Variants in MCF2L observed in about 807,000 individuals in gnomAD.
The protein encoded by MCF2L is guanine nucleotide exchange factor DBS.
Under a neutral mutation model 153.4 loss-of-function variants are expected in MCF2L, and 97 were observed. That is an observed-to-expected ratio of 0.63 (90% confidence interval 0.54 to 0.75). The LOEUF is 0.75. MCF2L is among the 30% of genes least tolerant of loss of function. The pLI is 0.00. For synonymous variants in MCF2L, 659 were observed against 632.2 expected (o/e 1.04, Z -0.64); for missense variants, 1,347 against 1,495.2 (o/e 0.90, Z 1.64).
intron 2 of MCF2L, among the ~76,000 whole-genome samples, chr13:112,930,646 C>A (rs937226176): frequency 6.6e-6 from 1 of 152,160 alleles, no homozygotes; most frequent in African/African-American, 2.4e-5. Context: ...AATCTTAATA[C>A]CTGCAAATTT....
intron 20 of MCF2L, 136 bp downstream of exon 20, chr13:113,085,314 T>G: frequency 1.4e-6 from 1 of 712,368 alleles, no homozygotes; most frequent in East Asian, 2.7e-5. Flanking sequence ...GTGCTGAGGC[T>G]GGGATGCCTT....
intron 2 of MCF2L, among the ~76,000 whole-genome samples, chr13:112,916,495 C>G (rs1404380960): frequency 1.3e-5 from 2 of 152,170 alleles, no homozygotes; most frequent in Non-Finnish European, 2.9e-5. Flanking sequence ...TCTCGCGTGC[C>G]TCACCTGTGA....
intron 21 of MCF2L, among the ~76,000 whole-genome samples, chr13:113,086,952 G>A (rs1355830110): frequency 1.3e-5 from 2 of 152,104 alleles, no homozygotes; most frequent in Admixed American, 6.5e-5. Flanking sequence ...TGCATTCTGC[G>A]GTTTGGACAG....
Position 113,024,654 on chromosome 13 carries a change from G to A in MCF2L, c.174G>A (p.Gly58=), listed in dbSNP as rs755657446. The change falls in exon 3 of 30, where the codon GGG becomes GGA. Residue 58 remains glycine (G), a synonymous_variant. Coordinates refer to ENST00000535094, the MANE Select transcript of MCF2L (RefSeq NM_001112732.3). ...KRFAYLSGGR[G]QDGSPVITFP... ...CTGGTCTCTCCCCAGGTGGGCGGGG[G>A]CAGGACGGAAGCCCGGTTATCACCT... is the stretch of plus-strand genomic sequence containing the variant. 1 of 1,613,554 alleles carries A rather than the reference G, an allele frequency of 6.2e-7. No individual in the cohort carries two copies. The highest frequency in any genetic ancestry group is 1.1e-5 in the South Asian group (1 of 91,084).
intron 27 of MCF2L, chr13:113,095,010 C>G: frequency 1.5e-6 from 2 of 1,376,360 alleles, no homozygotes; most frequent in Non-Finnish European, 1.9e-6. Context: ...GTGGGTGCAC[C>G]TTCCTCAGAG....
chr13:113,082,407 C>A lies in MCF2L; in HGVS notation c.1876-20C>A. On this transcript the variant is annotated intron_variant, in intron 16 of 29. Coordinates refer to ENST00000535094, the MANE Select transcript of MCF2L (RefSeq NM_001112732.3). ...GCATCAGGCCCAGGACCCCCGCCGACCTCTGCGCTCTCCCTGCAGGGCTAC... is the reference window on the plus strand; with the variant it reads ...GCATCAGGCCCAGGACCCCCGCCGAACTCTGCGCTCTCCCTGCAGGGCTAC... 1.2e-5 allele frequency: 18 copies of A among 1,549,824 alleles called. No individual in the cohort carries two copies. The highest frequency in any genetic ancestry group is 1.4e-5 in the Non-Finnish European group (16 of 1,121,886).
intron 18 of MCF2L, 127 bp from the exon 19 acceptor site, chr13:113,084,765 G>T: frequency 6.7e-6 from 5 of 747,184 alleles, no homozygotes; most frequent in South Asian, 4.9e-5. Flanking sequence ...GCAATGCCTC[G>T]CAGGGCCGGG....
chr13:113,030,439 G>A (rs150808912), intron 3 of MCF2L, among the ~76,000 whole-genome samples: 2 of 109,244 alleles, frequency 1.8e-5, no homozygotes, highest in African/African-American at 7.5e-5. Flanking sequence ...GCCCGGTGTG[G>A]ACTCTCAGGT....
At position 113,074,106 on chromosome 13, in the gene MCF2L, C is replaced by T. The variant is rs929825348; in HGVS notation, c.997-338C>T. Among the ~76,000 whole-genome samples the T allele has an allele frequency of 5.9e-5, 9 of 152,194 alleles. No individual in the cohort carries two copies. Among genetic ancestry groups the T allele is most frequent in the Non-Finnish European group, 1.3e-4 (9 of 68,042 alleles). ...TGTCCATATTGCTGCTGGCTTTCGG[C>T]TCCCAGGGCCTTTGTCCTTGCGTGA... On this transcript the variant is annotated intron_variant, in intron 9 of 29. Transcript: ENST00000535094. This position sits in a 1 kb window ranked among gnomAD's most constrained non-coding sequence, Gnocchi z 4.2.
In MCF2L at chr13:113,098,193, C is replaced by CCCCTCACT. The variant is rs1298155334; in HGVS notation, c.*1334_*1335insCCCTCACT. On this transcript the variant is annotated 3_prime_UTR_variant, in exon 30 of 30. Transcript: ENST00000535094. ...CCAGCCCCAGCACAGTGGAGGCAGG[C>CCCCTCACT]GTGGCTGCATTCCCCTCACGCTACC... is the stretch of plus-strand genomic sequence containing the variant. The CCCCTCACT allele has an allele frequency of 6.6e-6, 1 of 152,548 alleles. No homozygotes were observed. The highest frequency in any genetic ancestry group is 1.5e-5 in the Non-Finnish European group (1 of 68,054). 9.4% of individuals were successfully genotyped at this position (152,548 alleles called of 1,614,324 possible).
rs539645017 is a variant in MCF2L at position 113,012,539 on chromosome 13, A to G, written c.80-2224A>G. Among the ~76,000 whole-genome samples, 44 of 111,276 alleles carry G rather than the reference A, an allele frequency of 4.0e-4. 2 individuals are homozygous for G. The highest frequency in any genetic ancestry group is 1.4e-3 in the African/African-American group (44 of 31,132). 73.0% of individuals were successfully genotyped at this position (111,276 alleles called of 152,430 possible). Reference sequence around the variant, plus strand: ...GTGGACACTGCAATGAGGACGGTGGACACTGCGATGAGGACAGTGGACAGG... The same window carrying G: ...GTGGACACTGCAATGAGGACGGTGGGCACTGCGATGAGGACAGTGGACAGG... On this transcript the variant is annotated intron_variant, in intron 1 of 29. Coordinates refer to ENST00000535094, the MANE Select transcript of MCF2L (RefSeq NM_001112732.3).
chr13:112,963,411 C>T (rs377182310), intron 2 of MCF2L, among the ~76,000 whole-genome samples: 2 of 152,218 alleles, frequency 1.3e-5, no homozygotes, highest in African/African-American at 4.8e-5. Context: ...TCAGAGCGCT[C>T]TCTTTGCTCA....
At chr13:112,953,139 G>A (rs1043750878) in intron 2 of MCF2L, among the ~76,000 whole-genome samples, 1 of 152,206 alleles carries the variant, frequency 6.6e-6, no homozygotes, top group Non-Finnish European at 1.5e-5. Context: ...ATAAATACAG[G>A]CCTTCCTTGC....
intron 3 of MCF2L, among the ~76,000 whole-genome samples, chr13:113,033,480 C>T (rs983714254): frequency 3.9e-5 from 6 of 152,036 alleles, no homozygotes; most frequent in East Asian, 3.9e-4. Context: ...TGAGTGACCC[C>T]GTGTGCTCAC....
At chr13:113,090,069 T>C (rs1438777877) in intron 26 of MCF2L, 2 of 1,559,472 alleles carry the variant, frequency 1.3e-6, no homozygotes, top group South Asian at 2.3e-5. Context: ...CCTTCATAGA[T>C]GACACGGTCA....
chr13:113,061,993 G>A (rs977061722), intron 5 of MCF2L, among the ~76,000 whole-genome samples: 20 of 147,386 alleles, frequency 1.4e-4, no homozygotes, highest in Non-Finnish European at 3.0e-5. Context: ...CGTGACCCTG[G>A]TGCCTGGCCT....
At position 113,074,683 on chromosome 13, in the gene MCF2L, G is replaced by T; in HGVS notation, c.1116+120G>T. The T allele has an allele frequency of 3.5e-6, 5 of 1,427,486 alleles. No individual in the cohort carries two copies. The highest frequency in any genetic ancestry group is 3.8e-6 in the Non-Finnish European group (4 of 1,053,000). 88.4% of individuals were successfully genotyped at this position (1,427,486 alleles called of 1,614,324 possible). A position where few individuals can be genotyped will look rare whatever the true frequency, so the allele number is the denominator to read the frequency against. ...AGAACGGACCCCACAGCCCCCCGGG[G>T]ATGTCCATGGGGTGGGGGGTGCTGC... On this transcript the variant is annotated intron_variant, in intron 10 of 29. Transcript: ENST00000535094. This position sits in a 1 kb window ranked among gnomAD's most constrained non-coding sequence, Gnocchi z 4.2.
At chr13:112,975,934 C>G (rs907861865) in intron 1 of MCF2L, among the ~76,000 whole-genome samples, 23 of 152,174 alleles carry the variant, frequency 1.5e-4, no homozygotes, top group East Asian at 7.7e-4. Context: ...CCTGGCCTCC[C>G]TCCCTCCCTC....
intron 1 of MCF2L, among the ~76,000 whole-genome samples, chr13:112,901,863 C>T (rs1366251955): frequency 6.6e-6 from 1 of 152,200 alleles, no homozygotes; most frequent in Admixed American, 6.5e-5. Flanking sequence ...GAACTAGGGA[C>T]GTCTATGTCT....
Sources: allele counts gnomAD v4.1 joint callset (sites outside exome capture counted in the v4.1 genomes callset), GRCh38; gene constraint gnomAD v4.1.1; non-coding constraint Gnocchi (gnomAD v3.1); transcripts MANE v1.5; gene names NCBI Gene and HGNC (gene_info 2026-07-23, HGNC 2026-07-21).